The following TRANK1 variants were observed in gnomAD, a reference collection of about 807,000 sequenced individuals.
The protein encoded by TRANK1 is tetratricopeptide repeat and ankyrin repeat containing 1.
A neutral mutation model predicts 266.0 loss-of-function variants in TRANK1; 198 were observed. The ratio of observed to expected loss-of-function variants is 0.74; its 90% confidence interval spans 0.66 to 0.84. TRANK1 has a LOEUF of 0.84. Ranked by LOEUF, TRANK1 falls within the 40% of genes least tolerant of loss-of-function variation. TRANK1 has a pLI of 0.00. For missense variants in TRANK1, 3,326 were observed against 3,634.6 expected (o/e 0.92, Z 2.18); for synonymous variants, 1,396 against 1,384.1 (o/e 1.01, Z -0.19).
At chr3:36,909,871 A>G (rs1386506117) in intron 1 of TRANK1, among the ~76,000 whole-genome samples, 1 of 152,270 alleles carries the variant, frequency 6.6e-6, no homozygotes, top group African/African-American at 2.4e-5. Flanking sequence ...TCTAAATTAT[A>G]TGACTACTAT....
chr3:36,903,993 C>G (rs1559464778), intron 2 of TRANK1, among the ~76,000 whole-genome samples: 1 of 151,208 alleles, frequency 6.6e-6, no homozygotes, highest in Admixed American at 6.6e-5. Flanking sequence ...GAGTCTCACT[C>G]TGTCGCCCAA....
chr3:36,844,207 G>T (rs1248575425), intron 17 of TRANK1, among the ~76,000 whole-genome samples: 2 of 151,936 alleles, frequency 1.3e-5, no homozygotes, highest in African/African-American at 4.8e-5. Flanking sequence ...ATGATCTTTG[G>T]TTTTTTAGTT....
intron 1 of TRANK1, among the ~76,000 whole-genome samples, chr3:36,913,118 T>G (rs1005156992): frequency 5.9e-4 from 90 of 151,890 alleles, no homozygotes; most frequent in Non-Finnish European, 3.2e-4. Context: ...CTTGGCTCAC[T>G]GCAACCTCCA....
At chr3:36,933,475 A>G (rs1480388960) in intron 1 of TRANK1, among the ~76,000 whole-genome samples, 1 of 152,248 alleles carries the variant, frequency 6.6e-6, no homozygotes, top group African/African-American at 2.4e-5. Flanking sequence ...AAGGAACCCA[A>G]AGCTCAGAGA....
At chr3:36,895,534 G>T in intron 5 of TRANK1, 106 bp downstream of exon 5, 2 of 639,400 alleles carry the variant, frequency 3.1e-6, no homozygotes, top group South Asian at 3.5e-5. Flanking sequence ...ATTTACCCTG[G>T]CATCAAGATC....
chr3:36,829,407 C>T (rs1475416856), intron 23 of TRANK1, among the ~76,000 whole-genome samples, 157 bp downstream of exon 23: 3 of 152,148 alleles, frequency 2.0e-5, no homozygotes, highest in Non-Finnish European at 4.4e-5. Flanking sequence ...TATTATGTTG[C>T]TAGTAATTTG....
intron 17 of TRANK1, among the ~76,000 whole-genome samples, chr3:36,843,868 T>C (rs2078880896): frequency 6.6e-6 from 1 of 152,140 alleles, no homozygotes; most frequent in South Asian, 2.1e-4. Context: ...AGTACAGTGA[T>C]GACTTAGCAT....
Position 36,833,126 on chromosome 3 carries a change from T to G in TRANK1, c.6457A>C (p.Thr2153Pro). 1 of 1,612,524 alleles carries G rather than the reference T, an allele frequency of 6.2e-7. No individual in the cohort carries two copies. The highest frequency in any genetic ancestry group is 8.5e-7 in the Non-Finnish European group (1 of 1,179,116). Residue 2153 changes from threonine (T) to proline (P), a missense_variant, in exon 22 of 24, where the codon ACA becomes CCA. Coordinates refer to ENST00000645898, the MANE Select transcript of TRANK1 (RefSeq NM_001329998.2). ...GTCATTATCAAAAAATGATCTTTTG[T>G]TTTTTTCTCTCTCAAGTTCAAATCC... is the stretch of plus-strand genomic sequence containing the variant. ...DLDLNLREKK[T>P]KDHFLIMTDQ...
chr3:36,856,320 C>G lies in TRANK1; in HGVS notation c.3402G>C (p.Glu1134Asp), dbSNP rs763577189. ...CTTCCTCTTCCTCGTCCTCTTCCTC[C>G]TCCTCTTCCTCCCCACCTGGACTCT... ...GKESPGGEEE[E>D]EEEDEEEEDS... Residue 1134 changes from glutamate (E) to aspartate (D), a missense_variant, in exon 13 of 24, where the codon GAG becomes GAC. Coordinates refer to ENST00000645898, the MANE Select transcript of TRANK1 (RefSeq NM_001329998.2). 3.2e-6 allele frequency: 5 copies of G among 1,574,938 alleles called. No individual in the cohort carries two copies. The highest frequency in any genetic ancestry group is 2.3e-5 in the South Asian group (2 of 87,198).
At chr3:36,891,255 G>A (rs938663774) in intron 7 of TRANK1, among the ~76,000 whole-genome samples, 9 of 152,100 alleles carry the variant, frequency 5.9e-5, no homozygotes, top group East Asian at 1.9e-4. Context: ...CAGGGGAATC[G>A]CCTGAACCCA....
intron 21 of TRANK1, 129 bp from the exon 22 acceptor site, chr3:36,834,048 T>G (rs1360113551): frequency 5.6e-6 from 5 of 891,130 alleles, no homozygotes; most frequent in Non-Finnish European, 8.1e-6. Flanking sequence ...AAACCTAAAC[T>G]TGTCAAGCAT....
At chr3:36,935,662 G>A (rs1398370523) in intron 1 of TRANK1, among the ~76,000 whole-genome samples, 1 of 152,008 alleles carries the variant, frequency 6.6e-6, no homozygotes, top group East Asian at 1.9e-4. Flanking sequence ...GGTCAGGCTG[G>A]TCTTGAACTC....
At chr3:36,865,026 T>A (rs2079195465) in intron 9 of TRANK1, among the ~76,000 whole-genome samples, 1 of 129,718 alleles carries the variant, frequency 7.7e-6, no homozygotes, top group Admixed American at 7.6e-5. Flanking sequence ...TTTTTTTGGT[T>A]TTTTTTTTTT....
At chr3:36,894,067 C>G (rs1329734329) in intron 5 of TRANK1, among the ~76,000 whole-genome samples, 1 of 152,152 alleles carries the variant, frequency 6.6e-6, no homozygotes, top group East Asian at 1.9e-4. Flanking sequence ...GATTGCTGGC[C>G]TTTTAAAAGA....
intron 8 of TRANK1, among the ~76,000 whole-genome samples, chr3:36,882,100 C>T (rs1037721556): frequency 2.0e-5 from 3 of 152,216 alleles, no homozygotes; most frequent in Admixed American, 6.5e-5. Context: ...CTGGTATATA[C>T]CTATGAGTGA....
intron 1 of TRANK1, among the ~76,000 whole-genome samples, chr3:36,940,499 CAAA>C (rs144323903): frequency 7.1e-6 from 1 of 141,300 alleles, no homozygotes; most frequent in African/African-American, 2.6e-5. Flanking sequence ...GAATCTGTTT[CAAA>C]AAAAAAAAAA....
At chr3:36,910,928 G>T (rs2080042731) in intron 1 of TRANK1, among the ~76,000 whole-genome samples, 1 of 151,842 alleles carries the variant, frequency 6.6e-6, no homozygotes, top group Non-Finnish European at 1.5e-5. Context: ...AAATTAGCCA[G>T]GCATAGTGGT....
rs1456053113 is a variant in TRANK1, at chr3:36,845,720, G to A, written c.5191+528C>T. Among the ~76,000 whole-genome samples, 4 of 152,056 alleles carry A rather than the reference G, an allele frequency of 2.6e-5. No individual in the cohort carries two copies. The East Asian group carries it at 7.7e-4, about 29-fold the overall frequency. ...AATCCACATCCTTTTTCTCTTTAAT[G>A]GTTGCATAGTAGTCCCCTGAAAGAA... On this transcript the variant is annotated intron_variant, in intron 17 of 23. Transcript: ENST00000645898.
chr3:36,867,259 C>T (rs868040119), intron 9 of TRANK1, among the ~76,000 whole-genome samples: 1 of 151,938 alleles, frequency 6.6e-6, no homozygotes, highest in African/African-American at 2.4e-5. Flanking sequence ...CTGATGGAAA[C>T]TTGCTGCTTG....
Sources: gnomAD v4.1 joint callset for allele counts (sites outside exome capture counted in the v4.1 genomes callset) on GRCh38, gnomAD v4.1.1 for gene constraint, MANE v1.5 for transcripts, NCBI Gene and HGNC (gene_info 2026-07-23, HGNC 2026-07-21) for gene names.